Variants in PTPN1 observed in about 807,000 individuals in gnomAD.
PTPN1 encodes the protein protein tyrosine phosphatase non-receptor type 1, also known as tyrosine-protein phosphatase non-receptor type 1.
PTPN1 carries 12 observed loss-of-function variants against 59.9 expected under a neutral mutation model. That is an observed-to-expected ratio of 0.20 (90% CI 0.13 to 0.32). PTPN1 has a LOEUF of 0.32. Among genes scored for constraint, PTPN1 ranks in the 10% least tolerant of loss-of-function variants. PTPN1 has a pLI of 1.00. For synonymous variants in PTPN1, 178 were observed against 203.6 expected, an observed-to-expected ratio of 0.87 and a Z score of 1.07; for missense variants, 356 against 549.2, an observed-to-expected ratio of 0.65 and a Z score of 3.52.
At chr20:50,543,117 T>G (rs1307876791) in intron 1 of PTPN1, among the ~76,000 whole-genome samples, 1 of 152,220 alleles carries the variant, frequency 6.6e-6, no homozygotes, top group East Asian at 1.9e-4. Context: ...TTCTTTGTTT[T>G]AAAGATCTGC....
intron 5 of PTPN1, among the ~76,000 whole-genome samples, chr20:50,576,521 A>G (rs1215931210): frequency 6.6e-6 from 1 of 152,180 alleles, no homozygotes; most frequent in Non-Finnish European, 1.5e-5. Flanking sequence ...CCACACCTTC[A>G]AGGATTAAAG....
At chr20:50,547,041 T>A (rs944742221) in intron 1 of PTPN1, among the ~76,000 whole-genome samples, 5 of 152,002 alleles carry the variant, frequency 3.3e-5, no homozygotes, top group East Asian at 1.9e-4. Context: ...CTCAGCATTT[T>A]AAAAAAAATA....
chr20:50,536,700 A>T (rs2082625399), intron 1 of PTPN1, among the ~76,000 whole-genome samples: 1 of 152,098 alleles, frequency 6.6e-6, no homozygotes, highest in East Asian at 1.9e-4. Flanking sequence ...AGATTTTTTT[A>T]ATTTTAAGGA....
chr20:50,510,482 G>A lies in PTPN1; in HGVS notation c.-46G>A, dbSNP rs997979068. On this transcript the variant is annotated 5_prime_UTR_variant, in exon 1 of 10. Coordinates refer to ENST00000371621, the MANE Select transcript of PTPN1 (RefSeq NM_002827.4). ...CGCGACGCGGCCTAGAGCGGCAGAC[G>A]GCGCAGTGGGCCGAGAAGGAGGCGC... 3 of 1,544,750 alleles carry A rather than the reference G, an allele frequency of 1.9e-6. No homozygotes were observed. The highest frequency in any genetic ancestry group is 2.6e-6 in the Non-Finnish European group (3 of 1,143,584).
chr20:50,576,745 G>A (rs1259356303), intron 5 of PTPN1, among the ~76,000 whole-genome samples: 1 of 151,632 alleles, frequency 6.6e-6, no homozygotes, highest in Admixed American at 6.6e-5. Context: ...GCGTGGTGGC[G>A]GGCACCTGTA....
intron 1 of PTPN1, among the ~76,000 whole-genome samples, chr20:50,511,927 A>G (rs2122713571): frequency 6.6e-6 from 1 of 152,350 alleles, no homozygotes; most frequent in Non-Finnish European, 1.5e-5. Context: ...TTAGAAAGGA[A>G]AAAAGGTTTA....
At chr20:50,541,838 G>T (rs2082654217) in intron 1 of PTPN1, among the ~76,000 whole-genome samples, 2 of 152,164 alleles carry the variant, frequency 1.3e-5, no homozygotes, top group African/African-American at 4.8e-5. Flanking sequence ...ACCAAAGTCG[G>T]CAAGGAGAGG....
chr20:50,522,414 A>C (rs2082555349), intron 1 of PTPN1, among the ~76,000 whole-genome samples: 1 of 152,214 alleles, frequency 6.6e-6, no homozygotes, highest in Non-Finnish European at 1.5e-5. Flanking sequence ...TTGCTTTGTG[A>C]CTTGGTCAGG....
At chr20:50,541,016 A>C (rs1047582592) in intron 1 of PTPN1, among the ~76,000 whole-genome samples, 1 of 152,214 alleles carries the variant, frequency 6.6e-6, no homozygotes, top group Admixed American at 6.5e-5. Flanking sequence ...ATTCTGTGTC[A>C]GATAGAATGT....
At chr20:50,533,064 C>G (rs1317798354) in intron 1 of PTPN1, among the ~76,000 whole-genome samples, 1 of 151,072 alleles carries the variant, frequency 6.6e-6, no homozygotes, top group East Asian at 1.9e-4. Context: ...GTTTTTGCCT[C>G]TGGTCTACAA....
rs1280910956 is a variant in PTPN1, at chr20:50,578,327, A to G, written c.493-93A>G. 4 of 896,428 alleles carry G rather than the reference A, an allele frequency of 4.5e-6. No individual in the cohort carries two copies. In the East Asian group the frequency reaches 1.0e-4, roughly 23 times the overall value. 55.5% of individuals were successfully genotyped at this position (896,428 alleles called of 1,614,324 possible). ...GAGAATGAATGTTCCTCTTAGAGGT[A>G]GAGAGTGGAAGGTGACTCTGTGTGT... is the stretch of plus-strand genomic sequence containing the variant. On this transcript the variant is annotated intron_variant, in intron 5 of 9. Coordinates refer to ENST00000371621, the MANE Select transcript of PTPN1 (RefSeq NM_002827.4).
intron 1 of PTPN1, among the ~76,000 whole-genome samples, chr20:50,524,946 A>T (rs1482119681): frequency 6.6e-6 from 1 of 152,170 alleles, no homozygotes; most frequent in Non-Finnish European, 1.5e-5. Context: ...GTACCTTATT[A>T]AAAAACTCAA....
rs187725293 is a variant in PTPN1, at chr20:50,537,906, G to A, written c.64-23457G>A. Among the ~76,000 whole-genome samples, 32 of 152,298 alleles carry A rather than the reference G, an allele frequency of 2.1e-4. 1 individual carries two copies. Among genetic ancestry groups the A allele is most frequent in the East Asian group, 1.2e-3 (6 of 5,184 alleles). On this transcript the variant is annotated intron_variant, in intron 1 of 9. Transcript: ENST00000371621. ...CAGTAATGTACATGTCAAATGGCCC[G>A]TAATTTAAGCAGAGTAGAGTAAGTA... is the stretch of plus-strand genomic sequence containing the variant.
intron 1 of PTPN1, among the ~76,000 whole-genome samples, chr20:50,524,986 GGC>G (rs1376551666): frequency 6.6e-6 from 1 of 152,112 alleles, no homozygotes; most frequent in Non-Finnish European, 1.5e-5. Flanking sequence ...ACTTTTAAAT[GGC>G]TAAGTGATAA....
intron 1 of PTPN1, among the ~76,000 whole-genome samples, chr20:50,531,722 C>T (rs1456128036): frequency 6.6e-6 from 1 of 152,130 alleles, no homozygotes; most frequent in Non-Finnish European, 1.5e-5. Flanking sequence ...AAGTAGTGAG[C>T]CTTTGTATTC....
chr20:50,540,575 C>T lies in PTPN1; in HGVS notation c.64-20788C>T, dbSNP rs1434263086. Among the ~76,000 whole-genome samples the T allele has an allele frequency of 3.9e-5, 6 of 152,250 alleles. No homozygotes were observed. The South Asian group carries it at 1.0e-3, about 26-fold the overall frequency. ...TTTAACATTGGGGATCACATTTCAA[C>T]GTGAGATTTGGAGGGGGCAAAACTA... On this transcript the variant is annotated intron_variant, in intron 1 of 9. Transcript: ENST00000371621.
chr20:50,558,213 A>G (rs1396991504), intron 1 of PTPN1, among the ~76,000 whole-genome samples: 1 of 152,190 alleles, frequency 6.6e-6, no homozygotes, highest in Non-Finnish European at 1.5e-5. Flanking sequence ...ATAGCCTTAC[A>G]GAATGATTTT....
chr20:50,541,906 C>T (rs2082654726), intron 1 of PTPN1, among the ~76,000 whole-genome samples: 1 of 152,196 alleles, frequency 6.6e-6, no homozygotes, highest in African/African-American at 2.4e-5. Context: ...TGTGACTGCT[C>T]TGCAATTACT....
intron 1 of PTPN1, among the ~76,000 whole-genome samples, chr20:50,549,400 G>A (rs2082691656): frequency 6.6e-6 from 1 of 152,126 alleles, no homozygotes; most frequent in Non-Finnish European, 1.5e-5. Flanking sequence ...AGTTTGTAAA[G>A]CAGTTGATTG....
Sources: allele counts gnomAD v4.1 joint callset (sites outside exome capture counted in the v4.1 genomes callset), GRCh38; gene constraint gnomAD v4.1.1; transcripts MANE v1.5; gene names NCBI Gene and HGNC (gene_info 2026-07-23, HGNC 2026-07-21).